Variants in DNAJA4 observed in about 807,000 individuals in gnomAD.
DNAJA4 encodes dnaJ homolog subfamily A member 4.
A neutral mutation model predicts 39.7 loss-of-function variants in DNAJA4; 32 were observed. The ratio of observed to expected loss-of-function variants is 0.81; its 90% confidence interval spans 0.61 to 1.08. The LOEUF (loss-of-function observed/expected upper bound fraction) is 1.08. Among genes scored for constraint, DNAJA4 ranks in the 50% least tolerant of loss-of-function variants. DNAJA4 has a pLI of 0.00. For synonymous variants in DNAJA4, 184 were observed against 182.4 expected (o/e 1.01, Z -0.07); for missense variants, 439 against 505.1 (o/e 0.87, Z 1.25).
chr15:78,264,633 C>CGGT lies in DNAJA4; in HGVS notation c.-129_-128insTGG. ...GGCGGGCGGGAGCTACAAGCGGCGG[C>CGGT]GGCGGCGGCGACCGTGACCGTGACG... is the stretch of plus-strand genomic sequence containing the variant. On this transcript the variant is annotated 5_prime_UTR_variant, in exon 1 of 7. Coordinates refer to ENST00000394852, the MANE Select transcript of DNAJA4 (RefSeq NM_001130182.2). 3 of 1,020,184 alleles carry CGGT rather than the reference C, an allele frequency of 2.9e-6. No individual in the cohort carries two copies. The highest frequency in any genetic ancestry group is 3.5e-6 in the Non-Finnish European group (3 of 853,338). 63.2% of individuals were successfully genotyped at this position (1,020,184 alleles called of 1,614,324 possible).
chr15:78,278,652 T>C (rs59073386), intron 5 of DNAJA4, among the ~76,000 whole-genome samples: 2,701 of 151,800 alleles, frequency 0.018, 70 homozygotes, highest in African/African-American at 0.061. Flanking sequence ...TGTGCATGAC[T>C]GTATTTCTTT....
At position 78,264,761 on chromosome 15, in the gene DNAJA4, A is replaced by C; in HGVS notation, c.-3A>C. 1 of 1,589,148 alleles carries C rather than the reference A, an allele frequency of 6.3e-7. No individual in the cohort carries two copies. The highest frequency in any genetic ancestry group is 8.6e-7 in the Non-Finnish European group (1 of 1,166,616). On this transcript the variant is annotated 5_prime_UTR_variant, in exon 1 of 7. Coordinates refer to ENST00000394852, the MANE Select transcript of DNAJA4 (RefSeq NM_001130182.2). Reference sequence around the variant, plus strand: ...CCTCGCCCGCCCCCCCCGCAGACACAAGATGGTGAAGGAGACCCAGTACTA... The same window carrying C: ...CCTCGCCCGCCCCCCCCGCAGACACCAGATGGTGAAGGAGACCCAGTACTA...
At chr15:78,266,970 C>T (rs1387820007) in intron 1 of DNAJA4, among the ~76,000 whole-genome samples, 2 of 152,078 alleles carry the variant, frequency 1.3e-5, no homozygotes. Flanking sequence ...CAATTTAGAT[C>T]GGAAATCAAA....
At chr15:78,265,751 A>G in intron 1 of DNAJA4, 1 of 676,190 alleles carries the variant, frequency 1.5e-6, no homozygotes, top group East Asian at 2.7e-5. Flanking sequence ...ACTTCTTGCC[A>G]TTTTCTTACA....
At chr15:78,272,823 A>G (rs2049338066) in intron 2 of DNAJA4, among the ~76,000 whole-genome samples, 1 of 152,194 alleles carries the variant, frequency 6.6e-6, no homozygotes, top group Non-Finnish European at 1.5e-5. Context: ...TTGTTCTCAG[A>G]AAATAAAGGT....
chr15:78,272,268 C>T (rs558758915), intron 2 of DNAJA4, among the ~76,000 whole-genome samples: 2 of 152,210 alleles, frequency 1.3e-5, no homozygotes, highest in African/African-American at 2.4e-5. Context: ...ACCCAGGAGG[C>T]GGAGCTTGCA....
At chr15:78,266,245 G>A (rs1190852356) in intron 1 of DNAJA4, 1 of 1,605,002 alleles carries the variant, frequency 6.2e-7, no homozygotes, top group Non-Finnish European at 8.5e-7. Context: ...CTAAAGACAT[G>A]TGGGAAAGCC....
At chr15:78,274,105 T>A in intron 3 of DNAJA4, 92 bp from the exon 4 acceptor site, 1 of 1,127,418 alleles carries the variant, frequency 8.9e-7, no homozygotes, top group South Asian at 1.5e-5. Flanking sequence ...TTGTCCAATG[T>A]GAGGGTTCCC....
At chr15:78,272,593 G>T (rs933008313) in intron 2 of DNAJA4, among the ~76,000 whole-genome samples, 22 of 152,202 alleles carry the variant, frequency 1.4e-4, no homozygotes, top group African/African-American at 4.8e-4. Flanking sequence ...CTGAGTTGCA[G>T]AAGCAAGATT....
intron 5 of DNAJA4, among the ~76,000 whole-genome samples, chr15:78,276,421 C>T (rs1158454916): frequency 6.6e-6 from 1 of 152,160 alleles, no homozygotes; most frequent in Non-Finnish European, 1.5e-5. Flanking sequence ...GAGCTCAGCC[C>T]CCAACCCCCC....
At chr15:78,264,944 T>TA in intron 1 of DNAJA4, 49 bp downstream of exon 1, 1 of 1,511,662 alleles carries the variant, frequency 6.6e-7, no homozygotes, top group Non-Finnish European at 8.9e-7. Flanking sequence ...GGCCAAGGGT[T>TA]ATTAAGCCAG....
chr15:78,281,517 G>A lies in DNAJA4; in HGVS notation c.*1057G>A, dbSNP rs969875490. On this transcript the variant is annotated 3_prime_UTR_variant, in exon 7 of 7. Transcript: ENST00000394852. ...CAAGTGATGTTTTGGTAAGAACTTC[G>A]CTGAGTTCCACTGTGGATTACAGTT... is the stretch of plus-strand genomic sequence containing the variant. 1 of 152,208 alleles carries A rather than the reference G, an allele frequency of 6.6e-6. No individual in the cohort carries two copies. Among genetic ancestry groups the A allele is most frequent in the Admixed American group, 6.5e-5 (1 of 15,278 alleles). 9.4% of individuals were successfully genotyped at this position (152,208 alleles called of 1,614,324 possible).
intron 1 of DNAJA4, among the ~76,000 whole-genome samples, chr15:78,267,181 A>AGT: frequency 1.1e-5 from 1 of 90,164 alleles, no homozygotes; most frequent in Middle Eastern, 6.0e-3. Context: ...TGAGTGTGTG[A>AGT]GTGTGTGTGT....
In DNAJA4 at chr15:78,264,821, G is replaced by T; in HGVS notation, c.58G>T (p.Glu20Ter). The change falls in exon 1 of 7, where the codon GAG (glutamate) becomes TAG (stop). Residue 20 changes from glutamate to a stop codon, truncating the protein, a stop_gained. Coordinates refer to ENST00000394852, the MANE Select transcript of DNAJA4 (RefSeq NM_001130182.2). LOFTEE classifies it high-confidence loss of function. ...ILGVKPSASP[E>*]EIKKAYRKLA... ...GGGCGTGAAGCCCAGCGCGTCCCCG[G>T]AGGAGATCAAGAAGGCCTATCGGAA... 6.2e-7 allele frequency: 1 copy of T among 1,611,282 alleles called. No homozygotes were observed. The highest frequency in any genetic ancestry group is 8.5e-7 in the Non-Finnish European group (1 of 1,178,654).
At chr15:78,275,408 C>G in intron 4 of DNAJA4, 90 bp from the exon 5 acceptor site, 1 of 1,059,770 alleles carries the variant, frequency 9.4e-7, no homozygotes, top group East Asian at 2.4e-5. Flanking sequence ...AATAAAGAAT[C>G]CCTGAAGGAC....
intron 1 of DNAJA4, among the ~76,000 whole-genome samples, chr15:78,267,175 T>TGTGTATGTGA (rs1465200634): frequency 9.3e-6 from 1 of 108,076 alleles, no homozygotes; most frequent in African/African-American, 3.5e-5. Context: ...AGTGTGTGAG[T>TGTGTATGTGA]GTGTGAGTGT....
chr15:78,268,961 C>G (rs751291149), intron 1 of DNAJA4, among the ~76,000 whole-genome samples: 1 of 152,092 alleles, frequency 6.6e-6, no homozygotes, highest in Non-Finnish European at 1.5e-5. Context: ...CAGGAGGCAT[C>G]CCTGAGAAGG....
chr15:78,265,485 A>G (rs541080006), intron 1 of DNAJA4: 1 of 702,374 alleles, frequency 1.4e-6, no homozygotes, highest in Non-Finnish European at 2.6e-6. Context: ...AAACAGGGAC[A>G]CGGACATCTG....
intron 5 of DNAJA4, among the ~76,000 whole-genome samples, chr15:78,276,805 G>A (rs904840189): frequency 5.9e-5 from 9 of 152,212 alleles, no homozygotes; most frequent in Non-Finnish European, 8.8e-5. Context: ...CTGCCCCCAG[G>A]GCAGTGGCAG....
Sources: allele counts gnomAD v4.1 joint callset (sites outside exome capture counted in the v4.1 genomes callset), GRCh38; gene constraint gnomAD v4.1.1; transcripts MANE v1.5; gene names NCBI Gene and HGNC (gene_info 2026-07-23, HGNC 2026-07-21).